Variants in OPN4 observed in about 807,000 individuals in gnomAD.
OPN4 encodes melanopsin.
A neutral mutation model predicts 49.5 loss-of-function variants in OPN4; 43 were observed. The ratio of observed to expected loss-of-function variants is 0.87; its 90% CI spans 0.68 to 1.12. The LOEUF is 1.12. Among genes scored for constraint, OPN4 ranks in the 50% most tolerant of loss-of-function variants. OPN4 has a pLI of 0.00. For synonymous variants in OPN4, 263 were observed against 258.0 expected, an observed-to-expected ratio of 1.02 and a Z score of -0.19; for missense variants, 657 against 643.9, an observed-to-expected ratio of 1.02 and a Z score of -0.22.
chr10:86,661,281 G>C lies in OPN4; in HGVS notation c.966G>C (p.Gly322=), dbSNP rs1173497888. Residue 322 remains glycine (G), a splice_region_variant and synonymous_variant, in exon 7 of 10, where the codon GGG becomes GGC. Coordinates refer to ENST00000241891, the MANE Select transcript of OPN4 (RefSeq NM_033282.4). The part of the protein sequence containing the change: ...YSAVALVAFA[G]YAHVLTPYMS... ...GGGGACCACACCTTCTCTGTCCTAG[G>C]TACGCACACGTCCTGACACCCTACA... 1 of 1,613,196 alleles carries C rather than the reference G, an allele frequency of 6.2e-7. No individual in the cohort carries two copies.
At position 86,658,638 on chromosome 10, in the gene OPN4, C is replaced by A. The variant is rs757474835; in HGVS notation, c.579C>A (p.Gly193=). Residue 193 remains glycine, a synonymous_variant, in exon 4 of 10, where the codon GGC becomes GGA. Coordinates refer to ENST00000241891, the MANE Select transcript of OPN4 (RefSeq NM_033282.4). Reference sequence around the variant, plus strand: ...GGCGTGCGGCATTTGTCCTGCTGGGCGTTTGGCTCTATGCCCTGGCCTGGA... The same window carrying A: ...GGCGTGCGGCATTTGTCCTGCTGGGAGTTTGGCTCTATGCCCTGGCCTGGA... ...SKRRAAFVLL[G]VWLYALAWSL... is the part of the protein sequence containing the mutation. 1.2e-6 allele frequency: 2 copies of A among 1,613,866 alleles called. No individual in the cohort carries two copies. Among genetic ancestry groups the A allele is most frequent in the Non-Finnish European group, 1.7e-6 (2 of 1,180,048 alleles).
chr10:86,658,510 G>A lies in OPN4; in HGVS notation c.451G>A (p.Ala151Thr). 6.2e-7 allele frequency: 1 copy of A among 1,614,192 alleles called. No homozygotes were observed. The highest frequency in any genetic ancestry group is 1.1e-5 in the South Asian group (1 of 91,086). ...TGCEFYAFCG[A>T]LFGISSMITL... The stretch of plus-strand genomic sequence containing the variant: ...CTGCGAGTTCTATGCCTTCTGTGGA[G>A]CTCTCTTTGGCATTTCCTCCATGAT... The change falls in exon 4 of 10, where the codon GCT (alanine) becomes ACT (threonine). Residue 151 changes from alanine to threonine, a missense_variant. Ala to Thr is a moderately conservative substitution (Grantham distance 58). Coordinates refer to ENST00000241891, the MANE Select transcript of OPN4 (RefSeq NM_033282.4).
Position 86,659,976 on chromosome 10 carries a change from G to A in OPN4, c.882G>A (p.Met294Ile). 6.2e-7 allele frequency: 1 copy of A among 1,614,218 alleles called. No individual in the cohort carries two copies. Among genetic ancestry groups the A allele is most frequent in the Non-Finnish European group, 8.5e-7 (1 of 1,180,032 alleles). The change falls in exon 6 of 10, where the codon ATG becomes ATA. Residue 294 changes from methionine (M) to isoleucine (I), a missense_variant. By Grantham distance (10) the Met-to-Ile change is conservative. Coordinates refer to ENST00000241891, the MANE Select transcript of OPN4 (RefSeq NM_033282.4). ...QRQRLQSECK[M>I]AKIMLLVILL... ...AGCGGCTGCAGAGCGAGTGCAAGAT[G>A]GCCAAGATCATGCTGCTGGTCATCC...
In OPN4 at chr10:86,665,709, G is replaced by T; in HGVS notation, c.1399-4G>T. 6.2e-7 allele frequency: 1 copy of T among 1,613,454 alleles called. No homozygotes were observed. Among genetic ancestry groups the T allele is most frequent in the Non-Finnish European group, 8.5e-7 (1 of 1,179,518 alleles). Reference sequence around the variant, plus strand: ...CTAAACAGATGTGTGCTGTTTGTTTGCAGACCAAGGGGCTGATCCCCAGCC... The same window carrying T: ...CTAAACAGATGTGTGCTGTTTGTTTTCAGACCAAGGGGCTGATCCCCAGCC... On this transcript the variant is annotated splice_polypyrimidine_tract_variant and splice_region_variant and intron_variant, in intron 9 of 9. Coordinates refer to ENST00000241891, the MANE Select transcript of OPN4 (RefSeq NM_033282.4).
In OPN4 at chr10:86,662,269, A is replaced by C. The variant is rs1341068744; in HGVS notation, c.1091A>C (p.His364Pro). The change falls in exon 8 of 10, where the codon CAC (histidine) becomes CCC (proline). Residue 364 changes from histidine (H) to proline (P), a missense_variant. Physicochemically the swap from His to Pro is moderately conservative, Grantham distance 77 (BLOSUM62 -2). Coordinates refer to ENST00000241891, the MANE Select transcript of OPN4 (RefSeq NM_033282.4). ...CCCTGCAGGGTGGCCATTGCCCAGC[A>C]CCTGCCCTGCCTGGGGGTGCTGCTG... is the stretch of plus-strand genomic sequence containing the variant. ...HPKYRVAIAQ[H>P]LPCLGVLLGV... is the part of the protein sequence containing the mutation. The C allele has an allele frequency of 6.2e-7, 1 of 1,609,652 alleles. No homozygotes were observed. The highest frequency in any genetic ancestry group is 8.5e-7 in the Non-Finnish European group (1 of 1,179,492).
chr10:86,663,661 C>A lies in OPN4; in HGVS notation c.1257C>A (p.Gly419=), dbSNP rs1187340621. The change falls in exon 9 of 10, where the codon GGC becomes GGA. Residue 419 remains glycine (G), a splice_region_variant and synonymous_variant. Transcript: ENST00000241891. ...QESLGSESEV[G]WTHMEAAAVW... is the part of the protein sequence containing the mutation. ...AGTCACTCTCTCACCTCCCTCAGGG[C>A]TGGACACACATGGAGGCAGCAGCTG... 1 of 1,525,274 alleles carries A rather than the reference C, an allele frequency of 6.6e-7. No homozygotes were observed. 94.5% of individuals were successfully genotyped at this position (1,525,274 alleles called of 1,614,324 possible). A position where few individuals can be genotyped will look rare whatever the true frequency, so the allele number is the denominator to read the frequency against.
intron 2 of OPN4, chr10:86,657,230 A>G (rs760818918): frequency 1.3e-6 from 1 of 780,686 alleles, no homozygotes; most frequent in Non-Finnish European, 2.4e-6. Context: ...ATGATGCAGT[A>G]AGTTCACGGA....
intron 6 of OPN4, among the ~76,000 whole-genome samples, chr10:86,660,585 G>T (rs907989981): frequency 2.6e-5 from 4 of 152,280 alleles, no homozygotes; most frequent in Admixed American, 6.5e-5. Flanking sequence ...GTCCCCCCAG[G>T]GCCCTACTGT....
chr10:86,658,636 G>A lies in OPN4; in HGVS notation c.577G>A (p.Gly193Ser). ...GAGGCGTGCGGCATTTGTCCTGCTGGGCGTTTGGCTCTATGCCCTGGCCTG... is the reference window on the plus strand; with the variant it reads ...GAGGCGTGCGGCATTTGTCCTGCTGAGCGTTTGGCTCTATGCCCTGGCCTG... The part of the protein sequence containing the change: ...SKRRAAFVLL[G>S]VWLYALAWSL... The change falls in exon 4 of 10, where the codon GGC becomes AGC. Residue 193 changes from glycine (G) to serine (S), a missense_variant. By Grantham distance (56) the Gly-to-Ser change is moderately conservative. Transcript: ENST00000241891. The A allele has an allele frequency of 1.4e-5, 23 of 1,614,044 alleles. No individual in the cohort carries two copies. Among genetic ancestry groups the A allele is most frequent in the Non-Finnish European group, 1.9e-5 (22 of 1,180,044 alleles).
chr10:86,661,431 C>T lies in OPN4; in HGVS notation c.1073+43C>T, dbSNP rs546664519. 3.0e-3 allele frequency: 4,394 copies of T among 1,460,434 alleles called. 9 individuals carry two copies. The highest frequency in any genetic ancestry group is 4.0e-3 in the Non-Finnish European group (4,151 of 1,050,176). The allele number at this position is 1,460,434 out of a possible 1,614,324, so 90.5% of individuals were successfully genotyped here. ...AACCCCACACCTTGGCCTCCAAGGGCCTGGCCTGCCGATGGGGGCAGAGGC... is the reference window on the plus strand; with the variant it reads ...AACCCCACACCTTGGCCTCCAAGGGTCTGGCCTGCCGATGGGGGCAGAGGC... On this transcript the variant is annotated intron_variant, in intron 7 of 9. Transcript: ENST00000241891.
Position 86,657,457 on chromosome 10 carries a change from A to G in OPN4, c.291-575A>G, listed in dbSNP as rs112005243. ...CCTCTGCCCTTGGCCATCCCCAAGCATGAGGATTACAGAGACAGTGTGCAG... is the reference window on the plus strand; with the variant it reads ...CCTCTGCCCTTGGCCATCCCCAAGCGTGAGGATTACAGAGACAGTGTGCAG... On this transcript the variant is annotated intron_variant, in intron 2 of 9. Transcript: ENST00000241891. 1.9e-4 allele frequency among the ~76,000 whole-genome samples: 29 copies of G among 152,180 alleles called. 1 individual carries two copies. Among genetic ancestry groups the G allele is most frequent in the African/African-American group, 6.0e-4 (25 of 41,542 alleles).
chr10:86,664,153 T>A (rs1844088078), intron 9 of OPN4, among the ~76,000 whole-genome samples: 1 of 152,186 alleles, frequency 6.6e-6, no homozygotes, highest in African/African-American at 2.4e-5. Context: ...CGAGCATGTG[T>A]GTGGCCATGT....
At chr10:86,657,181 T>A in intron 2 of OPN4, 1 of 780,478 alleles carries the variant, frequency 1.3e-6, no homozygotes, top group Non-Finnish European at 2.4e-6. Flanking sequence ...CTCACTTTTC[T>A]TTCCGCAAAA....
Position 86,659,406 on chromosome 10 carries a change from C to A in OPN4, c.738C>A (p.Leu246=). 1 of 1,614,170 alleles carries A rather than the reference C, an allele frequency of 6.2e-7. No homozygotes were observed. Among genetic ancestry groups the A allele is most frequent in the Non-Finnish European group, 8.5e-7 (1 of 1,180,016 alleles). The part of the protein sequence containing the change: ...TMLLCCFVFF[L]PLLIIIYCYI... ...TTCTCTGCTGCTTCGTGTTCTTCCT[C>A]CCTCTGCTTATCATCATCTACTGCT... The change falls in exon 5 of 10, where the codon CTC becomes CTA. Residue 246 remains leucine (L), a synonymous_variant. Coordinates refer to ENST00000241891, the MANE Select transcript of OPN4 (RefSeq NM_033282.4).
At chr10:86,658,269 C>T in intron 3 of OPN4, 104 bp downstream of exon 3, 2 of 1,473,870 alleles carry the variant, frequency 1.4e-6, no homozygotes, top group Non-Finnish European at 9.3e-7. Flanking sequence ...TGCTTCTGGG[C>T]AGAGAGTGGG....
At position 86,660,014 on chromosome 10, in the gene OPN4, T is replaced by C; in HGVS notation, c.920T>C (p.Leu307Pro). ...CTGCTGGTCATCCTCCTCTTCGTGC[T>C]CTCCTGGGCTCCCTATTCCGCTGTG... ...IMLLVILLFV[L>P]SWAPYSAVAL... Residue 307 changes from leucine (L) to proline (P), a missense_variant, in exon 6 of 10, where the codon CTC (leucine) becomes CCC (proline). Physicochemically the swap from Leu to Pro is moderately conservative, Grantham distance 98. Coordinates refer to ENST00000241891, the MANE Select transcript of OPN4 (RefSeq NM_033282.4). 6.2e-7 allele frequency: 1 copy of C among 1,614,176 alleles called. No homozygotes were observed. Among genetic ancestry groups the C allele is most frequent in the East Asian group, 2.2e-5 (1 of 44,880 alleles).
chr10:86,656,387 T>A, intron 2 of OPN4, 87 bp downstream of exon 2: 2 of 1,473,498 alleles, frequency 1.4e-6, no homozygotes, highest in Non-Finnish European at 1.8e-6. Flanking sequence ...ATGTTGACTC[T>A]AGCTCTGGCC....
chr10:86,661,986 A>T (rs1186828202), intron 7 of OPN4, among the ~76,000 whole-genome samples: 1 of 152,072 alleles, frequency 6.6e-6, no homozygotes, highest in Non-Finnish European at 1.5e-5. Flanking sequence ...GAGGGCTGGA[A>T]CCAACATCCC....
At chr10:86,658,836 A>G (rs1843933747) in intron 4 of OPN4, 149 bp downstream of exon 4, 1 of 755,810 alleles carries the variant, frequency 1.3e-6, no homozygotes, top group East Asian at 2.7e-5. Flanking sequence ...TTCAGGGGAC[A>G]TGACTGGCAG....
Sources: allele counts gnomAD v4.1 joint callset (sites outside exome capture counted in the v4.1 genomes callset), GRCh38; gene constraint gnomAD v4.1.1; transcripts MANE v1.5; gene names NCBI Gene and HGNC (gene_info 2026-07-23, HGNC 2026-07-21).